The following CDH4 variants were observed in gnomAD, a reference collection of about 807,000 sequenced individuals.
The protein encoded by CDH4 is cadherin-4.
A neutral mutation model predicts 86.0 loss-of-function variants in CDH4; 33 were observed. That is an observed-to-expected ratio of 0.38 (90% CI 0.29 to 0.51). The LOEUF is 0.51. CDH4 is among the 20% of genes least tolerant of loss of function. CDH4 has a pLI of 0.86. For missense variants in CDH4, 1,114 were observed against 1,307.4 expected (o/e 0.85, Z 2.28); for synonymous variants, 555 against 549.4 (o/e 1.01, Z -0.14).
At chr20:61,761,623 A>G (rs2088633623) in intron 3 of CDH4, among the ~76,000 whole-genome samples, 1 of 152,202 alleles carries the variant, frequency 6.6e-6, no homozygotes, top group Non-Finnish European at 1.5e-5. Flanking sequence ...AACACCCGGG[A>G]GCCTGAGGCT....
At chr20:61,629,448 C>T (rs2086863785) in intron 2 of CDH4, among the ~76,000 whole-genome samples, 1 of 152,126 alleles carries the variant, frequency 6.6e-6, no homozygotes, top group Non-Finnish European at 1.5e-5. Context: ...TAAAATTCCC[C>T]AAGGCAAAAA....
chr20:61,444,268 T>TGTTTCC (rs1568847257), intron 2 of CDH4, among the ~76,000 whole-genome samples: 1 of 151,098 alleles, frequency 6.6e-6, no homozygotes, highest in Non-Finnish European at 1.5e-5. Flanking sequence ...TCTATGTGTG[T>TGTTTCC]GTGTGTATGT....
intron 2 of CDH4, among the ~76,000 whole-genome samples, chr20:61,268,867 T>C (rs1382590673): frequency 6.6e-6 from 1 of 152,202 alleles, no homozygotes; most frequent in Admixed American, 6.5e-5. Context: ...CTGTGTCACT[T>C]ACTCAGCCTC....
chr20:61,690,537 C>G (rs1030965072), intron 2 of CDH4, among the ~76,000 whole-genome samples: 2 of 152,126 alleles, frequency 1.3e-5, no homozygotes, highest in Admixed American at 1.3e-4. Context: ...GTGTCCCCGC[C>G]CAAGCATTCA....
chr20:61,749,378 TA>T (rs1415561123), intron 3 of CDH4, among the ~76,000 whole-genome samples: 1 of 152,188 alleles, frequency 6.6e-6, no homozygotes, highest in African/African-American at 2.4e-5. Flanking sequence ...CTGAGACATA[TA>T]AAAGCACAGA....
chr20:61,801,143 C>T (rs6061830), intron 4 of CDH4, among the ~76,000 whole-genome samples: 46,571 of 152,098 alleles, frequency 0.31, 7,461 homozygotes, highest in African/African-American at 0.39. Context: ...CTCCTGCCTC[C>T]CGTTGGGAGG....
At chr20:61,625,425 G>A (rs1029682583) in intron 2 of CDH4, among the ~76,000 whole-genome samples, 2 of 151,974 alleles carry the variant, frequency 1.3e-5, no homozygotes, top group Non-Finnish European at 2.9e-5. Flanking sequence ...GATGTGAGGC[G>A]TCCACAGTTT....
Position 61,937,187 on chromosome 20 carries a change from C to A in CDH4, c.*244C>A. The A allele has an allele frequency of 1.2e-5, 2 of 160,352 alleles. No individual in the cohort carries two copies. Among genetic ancestry groups the A allele is most frequent in the Non-Finnish European group, 2.3e-5 (2 of 86,584 alleles). The allele number at this position is 160,352 out of a possible 1,614,324, so 9.9% of individuals were successfully genotyped here. On this transcript the variant is annotated 3_prime_UTR_variant, in exon 16 of 16. Coordinates refer to ENST00000614565, the MANE Select transcript of CDH4 (RefSeq NM_001794.5). Reference sequence around the variant, plus strand: ...GACAGCAAGAGGCACTCTGTCTTCACTTGAATTTCCTAGAACAGAAGCACT... The same window carrying A: ...GACAGCAAGAGGCACTCTGTCTTCAATTGAATTTCCTAGAACAGAAGCACT...
chr20:61,343,825 C>T (rs2084662635), intron 2 of CDH4, among the ~76,000 whole-genome samples: 1 of 152,088 alleles, frequency 6.6e-6, no homozygotes, highest in Non-Finnish European at 1.5e-5. Context: ...GGGTATGGGC[C>T]ATTGTGTCAA....
At chr20:61,370,171 C>T (rs1420435009) in intron 2 of CDH4, 1 of 152,442 alleles carries the variant, frequency 6.6e-6, no homozygotes, top group East Asian at 1.9e-4. Flanking sequence ...GAGGCCTTCC[C>T]CGAGGGTGGG....
chr20:61,661,537 T>G (rs888229239), intron 2 of CDH4, among the ~76,000 whole-genome samples: 1 of 151,468 alleles, frequency 6.6e-6, no homozygotes, highest in Non-Finnish European at 1.5e-5. Flanking sequence ...AAACTCTTCT[T>G]TTTTAATAGC....
At chr20:61,701,125 G>A (rs1015126249) in intron 2 of CDH4, among the ~76,000 whole-genome samples, 3 of 152,144 alleles carry the variant, frequency 2.0e-5, no homozygotes, top group Non-Finnish European at 2.9e-5. Flanking sequence ...GCTTGCAGGT[G>A]CCATCTTCTT....
intron 6 of CDH4, among the ~76,000 whole-genome samples, chr20:61,853,997 C>T (rs1325596088): frequency 6.6e-6 from 1 of 152,128 alleles, no homozygotes; most frequent in Non-Finnish European, 1.5e-5. Flanking sequence ...GCCTAAGCAC[C>T]ATTTAGGACG....
chr20:61,771,621 C>CAAAAAAAA (rs71331929), intron 3 of CDH4, among the ~76,000 whole-genome samples: 1 of 110,096 alleles, frequency 9.1e-6, no homozygotes, highest in Admixed American at 9.1e-5. Flanking sequence ...GACTCCATCT[C>CAAAAAAAA]AAAAAAAAAA....
At chr20:61,384,188 C>T (rs891060336) in intron 2 of CDH4, among the ~76,000 whole-genome samples, 5 of 152,072 alleles carry the variant, frequency 3.3e-5, no homozygotes, top group African/African-American at 1.2e-4. Flanking sequence ...ATGTTAATCT[C>T]CTTTGGTAAC....
intron 2 of CDH4, among the ~76,000 whole-genome samples, chr20:61,439,461 C>T (rs1311861391): frequency 2.0e-5 from 3 of 152,212 alleles, no homozygotes; most frequent in African/African-American, 7.2e-5. Context: ...CCAGGGCATG[C>T]AAGATGGCAC....
At chr20:61,495,575 C>T (rs564168396) in intron 2 of CDH4, among the ~76,000 whole-genome samples, 1 of 152,240 alleles carries the variant, frequency 6.6e-6, no homozygotes, top group Admixed American at 6.5e-5. Flanking sequence ...CAGAGCAAGA[C>T]CTTGTCTCAG....
chr20:61,666,761 G>A (rs897326776), intron 2 of CDH4, among the ~76,000 whole-genome samples: 4 of 152,216 alleles, frequency 2.6e-5, no homozygotes, highest in Non-Finnish European at 4.4e-5. Flanking sequence ...ACCCTCGATG[G>A]GGTGTTGGGA....
intron 2 of CDH4, among the ~76,000 whole-genome samples, chr20:61,540,103 G>T (rs6121427): frequency 0.083 from 12,556 of 152,178 alleles, 1,465 homozygotes; most frequent in African/African-American, 0.26. Flanking sequence ...GCTGAATAGG[G>T]TGCATGCACC....
Sources: gnomAD v4.1 joint callset for allele counts (sites outside exome capture counted in the v4.1 genomes callset) on GRCh38, gnomAD v4.1.1 for gene constraint, MANE v1.5 for transcripts, NCBI Gene and HGNC (gene_info 2026-07-23, HGNC 2026-07-21) for gene names.